Variants in NEU2 observed in about 807,000 individuals in gnomAD.
NEU2 encodes neuraminidase 2, also known as sialidase-2.
In NEU2, 7 loss-of-function variants were observed where a neutral mutation model predicts 6.3. The observed-to-expected ratio is 1.12, with a 90% confidence interval of 0.63 to 2.10. The LOEUF is 2.10. Among genes scored for constraint, NEU2 ranks in the 30% most tolerant of loss-of-function variants. The pLI is 0.00. For missense variants in NEU2, 509 were observed against 504.0 expected, an observed-to-expected ratio of 1.01 and a Z score of -0.09; for synonymous variants, 208 against 223.3, an observed-to-expected ratio of 0.93 and a Z score of 0.61.
chr2:233,032,996 C>A, intron 1 of NEU2, 124 bp downstream of exon 1: 1 of 1,046,868 alleles, frequency 9.6e-7, no homozygotes. Context: ...TGGCTGTACT[C>A]CGGAGGAGAG....
At chr2:233,033,489 T>C (rs571323799) in intron 1 of NEU2, among the ~76,000 whole-genome samples, 24 of 152,302 alleles carry the variant, frequency 1.6e-4, no homozygotes, top group African/African-American at 5.5e-4. Context: ...TCCCTGGGGA[T>C]TGAGGCATTA....
In NEU2 at chr2:233,034,864, C is replaced by A. The variant is rs1343755723; in HGVS notation, c.950C>A (p.Ala317Asp). 5.0e-6 allele frequency: 8 copies of A among 1,612,128 alleles called. No individual in the cohort carries two copies. Among genetic ancestry groups the A allele is most frequent in the Non-Finnish European group, 6.8e-6 (8 of 1,178,932 alleles). The change falls in exon 2 of 2, where the codon GCC becomes GAC. Residue 317 changes from alanine to aspartate, a missense_variant. Ala to Asp is a moderately radical substitution (Grantham distance 126). Coordinates refer to ENST00000233840, the MANE Select transcript of NEU2 (RefSeq NM_005383.2). The surrounding 1 kb of genome is among the most constrained non-coding windows in gnomAD (Gnocchi z 4.8). Reference protein sequence around the residue: ...LGAYLNPRPPAPEAWSEPVLL... With the variant: ...LGAYLNPRPPDPEAWSEPVLL... The stretch of plus-strand genomic sequence containing the variant: ...GCCTACCTCAACCCGCGACCTCCAG[C>A]CCCTGAGGCCTGGTCAGAGCCGGTA...
At position 233,034,425 on chromosome 2, in the gene NEU2, G is replaced by T; in HGVS notation, c.511G>T (p.Ala171Ser). The T allele has an allele frequency of 6.2e-7, 1 of 1,613,990 alleles. No individual in the cohort carries two copies. Among genetic ancestry groups the T allele is most frequent in the East Asian group, 2.2e-5 (1 of 44,878 alleles). Residue 171 changes from alanine (A) to serine (S), a missense_variant, in exon 2 of 2, where the codon GCC (alanine) becomes TCC (serine). Ala to Ser is a moderately conservative substitution (Grantham distance 99, BLOSUM62 1). Coordinates refer to ENST00000233840, the MANE Select transcript of NEU2 (RefSeq NM_005383.2). This position sits in a 1 kb window ranked among gnomAD's most constrained non-coding sequence, Gnocchi z 4.8. ...PGHCLQLHDR[A>S]RSLVVPAYAY... is the part of the protein sequence containing the mutation. The stretch of plus-strand genomic sequence containing the variant: ...GCATTGTTTGCAGCTTCACGACAGG[G>T]CCCGGAGCCTGGTGGTGCCCGCCTA...
rs1690553492 is a variant in NEU2 at position 233,034,167 on chromosome 2, A to G, written c.253A>G (p.Met85Val). The G allele has an allele frequency of 6.2e-7, 1 of 1,613,824 alleles. No individual in the cohort carries two copies. The highest frequency in any genetic ancestry group is 1.1e-5 in the South Asian group (1 of 91,080). ...AQARLDGHRS[M>V]NPCPLYDAQT... ...GGCCCGGCTGGATGGCCACCGGTCC[A>G]TGAACCCATGCCCCTTGTATGACGC... The change falls in exon 2 of 2, where the codon ATG (methionine) becomes GTG (valine). Residue 85 changes from methionine to valine, a missense_variant. By Grantham distance (21) the Met-to-Val change is conservative. Coordinates refer to ENST00000233840, the MANE Select transcript of NEU2 (RefSeq NM_005383.2). This position sits in a 1 kb window ranked among gnomAD's most constrained non-coding sequence, Gnocchi z 4.8.
chr2:233,034,802 T>C lies in NEU2; in HGVS notation c.888T>C (p.Thr296=). Residue 296 remains threonine (T), a synonymous_variant, in exon 2 of 2, where the codon ACT becomes ACC. Transcript: ENST00000233840. The surrounding 1 kb of genome is among the most constrained non-coding windows in gnomAD (Gnocchi z 4.8). ...PGSPAQWLLY[T]HPTHSWQRAD... is the part of the protein sequence containing the mutation. The stretch of plus-strand genomic sequence containing the variant: ...CCCCAGCCCAGTGGCTGCTCTACAC[T>C]CACCCCACACACTCCTGGCAGAGGG... The C allele has an allele frequency of 6.4e-7, 1 of 1,573,116 alleles. No homozygotes were observed. The highest frequency in any genetic ancestry group is 8.6e-7 in the Non-Finnish European group (1 of 1,158,898).
chr2:233,032,796 C>CA lies in NEU2; in HGVS notation c.127dup (p.Ser43LysfsTer5). 6.2e-7 allele frequency: 1 copy of CA among 1,614,188 alleles called. No homozygotes were observed. Among genetic ancestry groups the CA allele is most frequent in the Middle Eastern group, 1.7e-4 (1 of 6,060 alleles). ...CTGCTGGCCTTCGCGGAACAGCGGGCAAGCAAGAAGGATGAGCACGCAGAG... is the reference window on the plus strand; with the variant it reads ...CTGCTGGCCTTCGCGGAACAGCGGGCAAAGCAAGAAGGATGAGCACGCAGAG... On this transcript the variant is annotated frameshift_variant, in exon 1 of 2. Coordinates refer to ENST00000233840, the MANE Select transcript of NEU2 (RefSeq NM_005383.2). LOFTEE classifies it high-confidence loss of function.
At chr2:233,033,208 T>C (rs1690538563) in intron 1 of NEU2, among the ~76,000 whole-genome samples, 1 of 152,008 alleles carries the variant, frequency 6.6e-6, no homozygotes, top group South Asian at 2.1e-4. Context: ...TGGGGTGGGG[T>C]GATGGCTTGT....
In NEU2 at chr2:233,034,163, G is replaced by A. The variant is rs1403201127; in HGVS notation, c.249G>A (p.Arg83=). The A allele has an allele frequency of 6.2e-7, 1 of 1,613,960 alleles. No individual in the cohort carries two copies. Among genetic ancestry groups the A allele is most frequent in the Non-Finnish European group, 8.5e-7 (1 of 1,179,958 alleles). ...VVAQARLDGH[R]SMNPCPLYDA... ...CCCAGGCCCGGCTGGATGGCCACCGGTCCATGAACCCATGCCCCTTGTATG... is the reference window on the plus strand; with the variant it reads ...CCCAGGCCCGGCTGGATGGCCACCGATCCATGAACCCATGCCCCTTGTATG... Residue 83 remains arginine, a synonymous_variant, in exon 2 of 2, where the codon CGG becomes CGA. Coordinates refer to ENST00000233840, the MANE Select transcript of NEU2 (RefSeq NM_005383.2). This position sits in a 1 kb window ranked among gnomAD's most constrained non-coding sequence, Gnocchi z 4.8.
Position 233,034,850 on chromosome 2 carries a change from C to T in NEU2, c.936C>T (p.Asn312=). The change falls in exon 2 of 2, where the codon AAC becomes AAT. Residue 312 remains asparagine, a synonymous_variant. Coordinates refer to ENST00000233840, the MANE Select transcript of NEU2 (RefSeq NM_005383.2). The surrounding 1 kb of genome is among the most constrained non-coding windows in gnomAD (Gnocchi z 4.8). ...WQRADLGAYL[N]PRPPAPEAWS... ...GGGCCGACCTGGGTGCCTACCTCAA[C>T]CCGCGACCTCCAGCCCCTGAGGCCT... 6.2e-7 allele frequency: 1 copy of T among 1,610,000 alleles called. No individual in the cohort carries two copies. Among genetic ancestry groups the T allele is most frequent in the Non-Finnish European group, 8.5e-7 (1 of 1,177,536 alleles).
chr2:233,032,744 C>T lies in NEU2; in HGVS notation c.73C>T (p.Leu25=), dbSNP rs1259924941. The T allele has an allele frequency of 1.9e-6, 3 of 1,614,148 alleles. No homozygotes were observed. Among genetic ancestry groups the T allele is most frequent in the South Asian group, 2.2e-5 (2 of 91,086 alleles). ...SGAHAYRIPA[L]LYLPGQQSLL... ...AGCCCATGCCTACAGAATCCCTGCC[C>T]TGCTCTACCTGCCTGGGCAGCAGTC... The change falls in exon 1 of 2, where the codon CTG becomes TTG. Residue 25 remains leucine, a synonymous_variant. Coordinates refer to ENST00000233840, the MANE Select transcript of NEU2 (RefSeq NM_005383.2).
In NEU2 at chr2:233,034,707, G is replaced by A; in HGVS notation, c.793G>A (p.Val265Met). Residue 265 changes from valine (V) to methionine (M), a missense_variant, in exon 2 of 2, where the codon GTG (valine) becomes ATG (methionine). Val to Met is a conservative substitution (Grantham distance 21). Transcript: ENST00000233840. This position sits in a 1 kb window ranked among gnomAD's most constrained non-coding sequence, Gnocchi z 4.8. ...GGAGTCTCAGCTGGTGAAGAAGCTG[G>A]TGGAGCCGCCGCCCCAGGGCTGCCA... ...FQESQLVKKL[V>M]EPPPQGCQGS... 6.5e-7 allele frequency: 1 copy of A among 1,547,658 alleles called. No homozygotes were observed.
At chr2:233,033,224 A>G (rs1216975734) in intron 1 of NEU2, among the ~76,000 whole-genome samples, 1 of 152,186 alleles carries the variant, frequency 6.6e-6, no homozygotes, top group Non-Finnish European at 1.5e-5. Flanking sequence ...CTTGTGTCCT[A>G]AAGTCCCATT....
At position 233,034,844 on chromosome 2, in the gene NEU2, C is replaced by T. The variant is rs147030809; in HGVS notation, c.930C>T (p.Tyr310=). The T allele has an allele frequency of 9.6e-4, 1,541 of 1,608,154 alleles. 6 individuals are homozygous for T. The highest frequency in any genetic ancestry group is 2.3e-3 in the South Asian group (211 of 90,494). ...GGCAGAGGGCCGACCTGGGTGCCTACCTCAACCCGCGACCTCCAGCCCCTG... is the reference window on the plus strand; with the variant it reads ...GGCAGAGGGCCGACCTGGGTGCCTATCTCAACCCGCGACCTCCAGCCCCTG... ...HSWQRADLGA[Y]LNPRPPAPEA... is the part of the protein sequence containing the mutation. The change falls in exon 2 of 2, where the codon TAC becomes TAT. Residue 310 remains tyrosine, a synonymous_variant. Transcript: ENST00000233840. This position sits in a 1 kb window ranked among gnomAD's most constrained non-coding sequence, Gnocchi z 4.8.
In NEU2 at chr2:233,034,580, C is replaced by T. The variant is rs747105340; in HGVS notation, c.666C>T (p.Ala222=). 35 of 1,613,856 alleles carry T rather than the reference C, an allele frequency of 2.2e-5. No individual in the cohort carries two copies. The Admixed American group carries it at 4.8e-4, about 22-fold the overall frequency. ...VAQDTLECQV[A]EVETGEQRVV... ...AGGACACCCTGGAGTGCCAGGTGGC[C>T]GAAGTCGAGACTGGGGAGCAGAGGG... The change falls in exon 2 of 2, where the codon GCC becomes GCT. Residue 222 remains alanine, a synonymous_variant. Coordinates refer to ENST00000233840, the MANE Select transcript of NEU2 (RefSeq NM_005383.2). This position sits in a 1 kb window ranked among gnomAD's most constrained non-coding sequence, Gnocchi z 4.8.
In NEU2 at chr2:233,032,676, C is replaced by T. The variant is rs371812904; in HGVS notation, c.5C>T (p.Ala2Val). The T allele has an allele frequency of 6.2e-6, 10 of 1,614,242 alleles. No homozygotes were observed. The highest frequency in any genetic ancestry group is 2.2e-5 in the South Asian group (2 of 91,086). ...TCCTGTCCACCCCCCAGCCCCATGG[C>T]GTCCCTTCCTGTCCTGCAGAAGGAG... Reference protein sequence around the residue: MASLPVLQKESV... With the variant: MVSLPVLQKESV... The change falls in exon 1 of 2, where the codon GCG becomes GTG. Residue 2 changes from alanine (A) to valine (V), a missense_variant. Ala to Val is a moderately conservative substitution (Grantham distance 64). Coordinates refer to ENST00000233840, the MANE Select transcript of NEU2 (RefSeq NM_005383.2).
rs906823914 is a variant in NEU2 at position 233,034,886 on chromosome 2, G to A, written c.972G>A (p.Pro324=). 1.4e-5 allele frequency: 23 copies of A among 1,613,904 alleles called. No homozygotes were observed. In the East Asian group the frequency reaches 2.4e-4, roughly 17 times the overall value. ...RPPAPEAWSE[P]VLLAKGSCAY... ...CAGCCCCTGAGGCCTGGTCAGAGCC[G>A]GTACTGCTGGCCAAGGGCAGCTGTG... The change falls in exon 2 of 2, where the codon CCG becomes CCA. Residue 324 remains proline, a synonymous_variant. Transcript: ENST00000233840. This position sits in a 1 kb window ranked among gnomAD's most constrained non-coding sequence, Gnocchi z 4.8.
intron 1 of NEU2, 68 bp downstream of exon 1, chr2:233,032,940 G>A: frequency 6.8e-7 from 1 of 1,477,650 alleles, no homozygotes; most frequent in Non-Finnish European, 9.2e-7. Context: ...GTGATCAGGG[G>A]CCAGTCCTGG....
At position 233,032,802 on chromosome 2, in the gene NEU2, A is replaced by G. The variant is rs1262726639; in HGVS notation, c.131A>G (p.Lys44Arg). ...GCCTTCGCGGAACAGCGGGCAAGCA[A>G]GAAGGATGAGCACGCAGAGCTGATT... ...LLAFAEQRAS[K>R]KDEHAELIVL... The change falls in exon 1 of 2, where the codon AAG becomes AGG. Residue 44 changes from lysine (K) to arginine (R), a missense_variant. By Grantham distance (26) the Lys-to-Arg change is conservative. Coordinates refer to ENST00000233840, the MANE Select transcript of NEU2 (RefSeq NM_005383.2). 1 of 1,614,182 alleles carries G rather than the reference A, an allele frequency of 6.2e-7. No homozygotes were observed. Among genetic ancestry groups the G allele is most frequent in the Middle Eastern group, 1.6e-4 (1 of 6,062 alleles).
At chr2:233,033,822 A>C (rs1350600513) in intron 1 of NEU2, among the ~76,000 whole-genome samples, 4 of 152,182 alleles carry the variant, frequency 2.6e-5, no homozygotes, top group African/African-American at 2.4e-5. Flanking sequence ...AGTCATCTTC[A>C]TATCTTGTGG....
Sources: gnomAD v4.1 joint callset for allele counts (sites outside exome capture counted in the v4.1 genomes callset) on GRCh38, gnomAD v4.1.1 for gene constraint, Gnocchi (gnomAD v3.1) non-coding constraint, MANE v1.5 for transcripts, NCBI Gene and HGNC (gene_info 2026-07-23, HGNC 2026-07-21) for gene names.